PMEPA1: variants seen among roughly 807,000 people sequenced by gnomAD.
PMEPA1 encodes protein TMEPAI.
In PMEPA1, 11 loss-of-function variants were observed where a neutral mutation model predicts 23.0. The ratio of observed to expected loss-of-function variants is 0.48; its 90% confidence interval spans 0.30 to 0.79. The LOEUF (loss-of-function observed/expected upper bound fraction) is 0.79. Among genes scored for constraint, PMEPA1 ranks in the 30% least tolerant of loss-of-function variants. PMEPA1 has a pLI of 0.06. For synonymous variants in PMEPA1, 204 were observed against 166.4 expected, an observed-to-expected ratio of 1.23 and a Z score of -1.74; for missense variants, 377 against 390.9, an observed-to-expected ratio of 0.96 and a Z score of 0.30.
intron 1 of PMEPA1, among the ~76,000 whole-genome samples, chr20:57,679,033 G>A (rs553815567): frequency 2.0e-5 from 3 of 152,318 alleles, no homozygotes; most frequent in African/African-American, 7.2e-5. Flanking sequence ...TGAACAACAC[G>A]AGTGTTTTTG....
At chr20:57,690,443 C>G (rs554642142) in intron 1 of PMEPA1, 1 of 1,304,354 alleles carries the variant, frequency 7.7e-7, no homozygotes, top group East Asian at 5.5e-5. Context: ...TGTCATTTAT[C>G]AAATTCTTTG....
In PMEPA1 at chr20:57,651,645, A is replaced by G. The variant is rs2071229875; in HGVS notation, c.*408T>C. ...ACATACAGTTTCTCTTATCTTATAT[A>G]TATTTATATATATAATATTGCAGAT... is the stretch of plus-strand genomic sequence containing the variant. On this transcript the variant is annotated 3_prime_UTR_variant, in exon 4 of 4. Transcript: ENST00000341744. The G allele has an allele frequency of 6.6e-6, 1 of 150,936 alleles. No individual in the cohort carries two copies. The highest frequency in any genetic ancestry group is 2.1e-4 in the South Asian group (1 of 4,834). 9.3% of individuals were successfully genotyped at this position (150,936 alleles called of 1,614,324 possible).
At chr20:57,668,261 T>C (rs2071521332) in intron 1 of PMEPA1, among the ~76,000 whole-genome samples, 1 of 152,218 alleles carries the variant, frequency 6.6e-6, no homozygotes, top group African/African-American at 2.4e-5. Flanking sequence ...CTGTTCTTGG[T>C]AGAATCTTGG....
In PMEPA1 at chr20:57,709,921, C is replaced by T. The variant is rs1568692578; in HGVS notation, c.-339G>A. The T allele has an allele frequency of 2.0e-6, 2 of 1,008,662 alleles. No individual in the cohort carries two copies. The highest frequency in any genetic ancestry group is 2.4e-6 in the Non-Finnish European group (2 of 848,068). 62.5% of individuals were successfully genotyped at this position (1,008,662 alleles called of 1,614,324 possible). A position where few individuals can be genotyped will look rare whatever the true frequency, so the allele number is the denominator to read the frequency against. ...GCTTTCCCCAGCCGAGCGCCTCCGC[C>T]GCCGCCGCCGCCGCCGCCTCCTCCT... On this transcript the variant is annotated 5_prime_UTR_variant, in exon 1 of 4. Coordinates refer to ENST00000341744, the MANE Select transcript of PMEPA1 (RefSeq NM_020182.5).
intron 1 of PMEPA1, among the ~76,000 whole-genome samples, chr20:57,687,593 C>T (rs1204463046): frequency 1.3e-5 from 2 of 152,232 alleles, no homozygotes; most frequent in African/African-American, 4.8e-5. Context: ...ATCCATCAGG[C>T]AAATACAACT....
At chr20:57,679,429 G>A (rs2071681387) in intron 1 of PMEPA1, among the ~76,000 whole-genome samples, 1 of 152,226 alleles carries the variant, frequency 6.6e-6, no homozygotes, top group Admixed American at 6.5e-5. Flanking sequence ...AACTTGAAAC[G>A]ATTCAGGTAT....
At chr20:57,695,108 G>A (rs2146702861) in intron 1 of PMEPA1, among the ~76,000 whole-genome samples, 1 of 152,384 alleles carries the variant, frequency 6.6e-6, no homozygotes, top group Middle Eastern at 3.4e-3. Context: ...CTGGGAGGAA[G>A]GCAGCCTCGG....
At chr20:57,667,247 G>C (rs568707334) in intron 1 of PMEPA1, among the ~76,000 whole-genome samples, 1 of 152,106 alleles carries the variant, frequency 6.6e-6, no homozygotes, top group Non-Finnish European at 1.5e-5. Flanking sequence ...TCTGTTCTTG[G>C]GGGCAGAGCC....
intron 1 of PMEPA1, among the ~76,000 whole-genome samples, chr20:57,699,122 C>A (rs999143549): frequency 6.6e-6 from 1 of 152,234 alleles, no homozygotes; most frequent in African/African-American, 2.4e-5. Flanking sequence ...AGGGCTCGAA[C>A]CGAATCTTGT....
At position 57,659,705 on chromosome 20, in the gene PMEPA1, G is replaced by A. The variant is rs1178772385; in HGVS notation, c.110-8C>T. The A allele has an allele frequency of 1.3e-6, 2 of 1,560,856 alleles. No individual in the cohort carries two copies. The highest frequency in any genetic ancestry group is 1.7e-6 in the Non-Finnish European group (2 of 1,152,548). On this transcript the variant is annotated splice_region_variant and splice_polypyrimidine_tract_variant and intron_variant, in intron 1 of 3. Transcript: ENST00000341744. ...GAACAAACTCCAGCTCCGCTGTGGA[G>A]ACAAAGAGGGACACGTGAGACCCTG... is the stretch of plus-strand genomic sequence containing the variant.
At chr20:57,661,438 C>T (rs997870108) in intron 1 of PMEPA1, among the ~76,000 whole-genome samples, 1 of 152,188 alleles carries the variant, frequency 6.6e-6, no homozygotes, top group Non-Finnish European at 1.5e-5. Flanking sequence ...CCAAGGTGTG[C>T]AGGAATGTGA....
Position 57,659,456 on chromosome 20 carries a change from C to T in PMEPA1, c.264+87G>A, listed in dbSNP as rs150898748. On this transcript the variant is annotated intron_variant, in intron 2 of 3. Transcript: ENST00000341744. ...CTGCCCTGAATCTGTTTCCTGCAAA[C>T]GCTGCCATTGGATCCCGTCTGAGTT... is the stretch of plus-strand genomic sequence containing the variant. The T allele has an allele frequency of 2.1e-3, 2,970 of 1,395,598 alleles. 4 individuals are homozygous for T. Among genetic ancestry groups the T allele is most frequent in the Non-Finnish European group, 2.7e-3 (2,758 of 1,019,980 alleles). The allele number at this position is 1,395,598 out of a possible 1,614,324, so 86.5% of individuals were successfully genotyped here.
At chr20:57,659,827 G>A (rs2071387699) in intron 1 of PMEPA1, 130 bp from the exon 2 acceptor site, 5 of 818,044 alleles carry the variant, frequency 6.1e-6, no homozygotes, top group Admixed American at 4.7e-5. Flanking sequence ...GAAAGCCCCC[G>A]CCACTCTCCC....
At chr20:57,678,606 C>G (rs1023956624) in intron 1 of PMEPA1, among the ~76,000 whole-genome samples, 3 of 152,244 alleles carry the variant, frequency 2.0e-5, no homozygotes, top group Non-Finnish European at 4.4e-5. Flanking sequence ...CTGGCTGCTG[C>G]AGCCACACGA....
chr20:57,671,290 G>A (rs1021976304), intron 1 of PMEPA1, among the ~76,000 whole-genome samples: 1 of 152,152 alleles, frequency 6.6e-6, no homozygotes, highest in South Asian at 2.1e-4. Context: ...CATAACATCC[G>A]AAAGTTATTT....
At position 57,652,682 on chromosome 20, in the gene PMEPA1, G is replaced by A. The variant is rs2071267405; in HGVS notation, c.319-84C>T. On this transcript the variant is annotated intron_variant, in intron 3 of 3. Transcript: ENST00000341744. The surrounding 1 kb of genome is among the most constrained non-coding windows in gnomAD (Gnocchi z 6.1). ...GCGATCCTGAGACTGGAGTTCTGCT[G>A]CATGGGACTTGGCTCTCTGGGGAAA... 8.5e-7 allele frequency: 1 copy of A among 1,182,288 alleles called. No individual in the cohort carries two copies. The allele number at this position is 1,182,288 out of a possible 1,614,324, so 73.2% of individuals were successfully genotyped here. A position where few individuals can be genotyped will look rare whatever the true frequency, so the allele number is the denominator to read the frequency against.
intron 1 of PMEPA1, among the ~76,000 whole-genome samples, chr20:57,664,002 C>T (rs1478758186): frequency 3.9e-5 from 6 of 152,230 alleles, no homozygotes; most frequent in East Asian, 3.9e-4. Context: ...GCACCTTCCA[C>T]GCACTTTCAC....
Position 57,709,530 on chromosome 20 carries a change from G to T in PMEPA1, c.53C>A (p.Pro18His). ...NSTAAAAAGQ[P>H]NVSCTCNCKR... is the part of the protein sequence containing the mutation. ...GCAGTTGCACGTGCAGGAGACATTG[G>T]GCTGCCCGGCGGCGGCGGCGGCGGT... Residue 18 changes from proline (P) to histidine (H), a missense_variant, in exon 1 of 4, where the codon CCC becomes CAC. Physicochemically the swap from Pro to His is moderately conservative, Grantham distance 77 (BLOSUM62 -2). Transcript: ENST00000341744. 8.8e-7 allele frequency: 1 copy of T among 1,132,600 alleles called. No individual in the cohort carries two copies. Among genetic ancestry groups the T allele is most frequent in the Admixed American group, 3.5e-5 (1 of 28,370 alleles). The allele number at this position is 1,132,600 out of a possible 1,614,324, so 70.2% of individuals were successfully genotyped here.
intron 1 of PMEPA1, among the ~76,000 whole-genome samples, chr20:57,687,785 C>G (rs570186341): frequency 6.6e-5 from 10 of 152,354 alleles, no homozygotes; most frequent in African/African-American, 2.4e-4. Context: ...AGCCTCTGCA[C>G]CTGTGCTACA....
Sources: allele counts gnomAD v4.1 joint callset (sites outside exome capture counted in the v4.1 genomes callset), GRCh38; gene constraint gnomAD v4.1.1; non-coding constraint Gnocchi (gnomAD v3.1); transcripts MANE v1.5; gene names NCBI Gene and HGNC (gene_info 2026-07-23, HGNC 2026-07-21).